Variants in TNFAIP8 observed in about 807,000 individuals in gnomAD.
The protein encoded by TNFAIP8 is TNF alpha induced protein 8.
TNFAIP8 carries 7 observed loss-of-function variants against 13.3 expected under a neutral mutation model. The observed-to-expected ratio is 0.52, with a 90% CI of 0.30 to 0.99. The LOEUF is 0.99. Among genes scored for constraint, TNFAIP8 ranks in the 50% least tolerant of loss-of-function variants. The pLI is 0.07. For synonymous variants in TNFAIP8, 94 were observed against 87.6 expected, an observed-to-expected ratio of 1.07 and a Z score of -0.41; for missense variants, 258 against 236.9, an observed-to-expected ratio of 1.09 and a Z score of -0.58.
intron 1 of TNFAIP8, among the ~76,000 whole-genome samples, chr5:119,357,538 G>A (rs1469482754): frequency 6.6e-6 from 1 of 152,148 alleles, no homozygotes; most frequent in African/African-American, 2.4e-5. Flanking sequence ...GAGAAAGAGA[G>A]AGTGGGAGAG....
At chr5:119,362,400 G>A (rs1751668635) in intron 1 of TNFAIP8, among the ~76,000 whole-genome samples, 1 of 152,172 alleles carries the variant, frequency 6.6e-6, no homozygotes, top group African/African-American at 2.4e-5. Context: ...ACAGAGATAA[G>A]ACCCTGTGAG....
At position 119,293,074 on chromosome 5, in the gene TNFAIP8, TTTAA is replaced by T. The variant is rs368850180; in HGVS notation, c.1+24170_1+24173del. Among the ~76,000 whole-genome samples the T allele has an allele frequency of 6.8e-3, 1,034 of 152,312 alleles. 10 individuals are homozygous for T. Among genetic ancestry groups the T allele is most frequent in the African/African-American group, 0.024 (979 of 41,570 alleles). On this transcript the variant is annotated intron_variant, in intron 1 of 1. Coordinates refer to the TNFAIP8 transcript ENST00000274456. Reference sequence around the variant, plus strand: ...TTTTAATTTTGTTTTTAAATTTTACTTTAATTGACAACTAAAAACTGTATATACA... The same window carrying T: ...TTTTAATTTTGTTTTTAAATTTTACTTTGACAACTAAAAACTGTATATACA...
intron 1 of TNFAIP8, among the ~76,000 whole-genome samples, chr5:119,327,578 T>C (rs187724676): frequency 1.3e-4 from 20 of 152,176 alleles, no homozygotes; most frequent in Admixed American, 1.1e-3. Context: ...CCTGCCTTAG[T>C]CTCCCAAGTA....
intron 1 of TNFAIP8, among the ~76,000 whole-genome samples, chr5:119,277,140 T>A (rs539524040): frequency 1.3e-5 from 2 of 152,328 alleles, no homozygotes; most frequent in South Asian, 4.1e-4. Flanking sequence ...CACTCACCTG[T>A]TTTCAGACTG....
intron 1 of TNFAIP8, among the ~76,000 whole-genome samples, chr5:119,311,688 C>CA (rs55965350): frequency 0.085 from 5,630 of 66,584 alleles, 807 homozygotes; most frequent in African/African-American, 0.27. Flanking sequence ...GACTCCGTCT[C>CA]AAAAAAAAAA....
chr5:119,314,973 C>T (rs1230132334), intron 1 of TNFAIP8, among the ~76,000 whole-genome samples: 2 of 152,230 alleles, frequency 1.3e-5, no homozygotes, highest in Non-Finnish European at 2.9e-5. Flanking sequence ...CCTCCACCTC[C>T]CGGGTTCAAG....
intron 1 of TNFAIP8, among the ~76,000 whole-genome samples, chr5:119,383,917 G>A (rs1179651085): frequency 6.6e-6 from 1 of 152,160 alleles, no homozygotes; most frequent in Non-Finnish European, 1.5e-5. Flanking sequence ...TTTCTTCCCT[G>A]CAGGGAGACC....
chr5:119,386,980 T>TCCCTCC (rs763163031), intron 1 of TNFAIP8, among the ~76,000 whole-genome samples: 1 of 74,188 alleles, frequency 1.3e-5, no homozygotes, highest in African/African-American at 5.3e-5. Context: ...CCTCCCTCCC[T>TCCCTCC]CTCTTTCCTT....
intron 1 of TNFAIP8, among the ~76,000 whole-genome samples, chr5:119,345,317 G>A (rs1750862027): frequency 6.6e-6 from 1 of 152,092 alleles, no homozygotes; most frequent in Non-Finnish European, 1.5e-5. Flanking sequence ...AAAACAATAT[G>A]ACAGTTCCTT....
chr5:119,381,538 C>CA (rs899883550), intron 1 of TNFAIP8, among the ~76,000 whole-genome samples: 5 of 151,612 alleles, frequency 3.3e-5, no homozygotes, highest in African/African-American at 7.3e-5. Context: ...GACCCTGTCT[C>CA]AAAAAATAAA....
At chr5:119,349,024 T>C (rs1751020715) in intron 1 of TNFAIP8, among the ~76,000 whole-genome samples, 1 of 152,188 alleles carries the variant, frequency 6.6e-6, no homozygotes, top group South Asian at 2.1e-4. Flanking sequence ...TCAGATGTGA[T>C]GTCGTGCTGT....
chr5:119,378,442 C>G (rs573155972), intron 1 of TNFAIP8, among the ~76,000 whole-genome samples: 20 of 152,268 alleles, frequency 1.3e-4, no homozygotes, highest in African/African-American at 4.6e-4. Flanking sequence ...AGCCTCCTGA[C>G]ATTAACATGG....
chr5:119,390,532 T>C (rs768421656), intron 1 of TNFAIP8, among the ~76,000 whole-genome samples: 6 of 152,248 alleles, frequency 3.9e-5, no homozygotes, highest in Non-Finnish European at 7.3e-5. Context: ...AACTTCTCCA[T>C]AAAGTTGGCT....
chr5:119,308,601 C>T (rs1424713625), intron 1 of TNFAIP8, among the ~76,000 whole-genome samples: 1 of 152,016 alleles, frequency 6.6e-6, no homozygotes, highest in Non-Finnish European at 1.5e-5. Flanking sequence ...CACAGTGGCT[C>T]ATGCCTGTAA....
At chr5:119,337,619 A>G (rs1329803223) in intron 1 of TNFAIP8, among the ~76,000 whole-genome samples, 1 of 152,258 alleles carries the variant, frequency 6.6e-6, no homozygotes, top group Non-Finnish European at 1.5e-5. Flanking sequence ...AAAAATGCCA[A>G]GGCTAATAGG....
chr5:119,291,183 T>C (rs917342003), intron 1 of TNFAIP8, among the ~76,000 whole-genome samples: 1 of 152,244 alleles, frequency 6.6e-6, no homozygotes, highest in Non-Finnish European at 1.5e-5. Flanking sequence ...TATTTAACTT[T>C]TCGTGTATTT....
At position 119,398,990 on chromosome 5, in the gene TNFAIP8, A is replaced by G. The variant is rs1241632512; in HGVS notation, c.*5609A>G. On this transcript the variant is annotated 3_prime_UTR_variant, in exon 2 of 2. Transcript: ENST00000504771. ...ATACCTGCTAAGCAAATTATAAAAT[A>G]CTATAAGACATTTAATCTCCTGGAA... is the stretch of plus-strand genomic sequence containing the variant. The G allele has an allele frequency of 2.0e-5, 3 of 152,116 alleles. No individual in the cohort carries two copies. The highest frequency in any genetic ancestry group is 4.4e-5 in the Non-Finnish European group (3 of 68,048). 9.4% of individuals were successfully genotyped at this position (152,116 alleles called of 1,614,324 possible).
chr5:119,303,982 A>G (rs922314362), intron 1 of TNFAIP8, among the ~76,000 whole-genome samples: 3 of 152,230 alleles, frequency 2.0e-5, no homozygotes, highest in Non-Finnish European at 4.4e-5. Flanking sequence ...TCTTCTGAGT[A>G]TAAATGGAGT....
intron 1 of TNFAIP8, among the ~76,000 whole-genome samples, chr5:119,338,345 A>G (rs1482075214): frequency 6.6e-6 from 1 of 152,218 alleles, no homozygotes; most frequent in African/African-American, 2.4e-5. Flanking sequence ...GTAGGGCAGC[A>G]TCAAGCTGTG....
Sources: gnomAD v4.1 joint callset for allele counts (sites outside exome capture counted in the v4.1 genomes callset) on GRCh38, gnomAD v4.1.1 for gene constraint, MANE v1.5 for transcripts, NCBI Gene and HGNC (gene_info 2026-07-23, HGNC 2026-07-21) for gene names.